PITPNM2: variants seen among roughly 807,000 people sequenced by gnomAD.
The protein encoded by PITPNM2 is phosphatidylinositol transfer protein membrane associated 2.
A neutral mutation model predicts 132.2 loss-of-function variants in PITPNM2; 35 were observed. That is an observed-to-expected ratio of 0.26 (90% CI 0.20 to 0.35). The LOEUF is 0.35. Ranked by LOEUF, PITPNM2 falls within the 10% of genes least tolerant of loss-of-function variation. The pLI is 1.00. For synonymous variants in PITPNM2, 738 were observed against 799.2 expected, an observed-to-expected ratio of 0.92 and a Z score of 1.29; for missense variants, 1,332 against 1,912.0, an observed-to-expected ratio of 0.70 and a Z score of 5.66.
intron 1 of PITPNM2, among the ~76,000 whole-genome samples, chr12:123,127,610 CTTTTTT>C (rs1202654049): frequency 7.2e-6 from 1 of 139,482 alleles, no homozygotes. Flanking sequence ...CTTTTTCTTT[CTTTTTT>C]TTTTTTTTTT....
chr12:123,067,798 G>A (rs1408503082), intron 2 of PITPNM2, among the ~76,000 whole-genome samples: 1 of 152,136 alleles, frequency 6.6e-6, no homozygotes, highest in African/African-American at 2.4e-5. Flanking sequence ...TTGTGGCATT[G>A]GGAAACAGGA....
intron 2 of PITPNM2, among the ~76,000 whole-genome samples, chr12:123,079,791 T>C (rs2136995550): frequency 6.6e-6 from 1 of 152,274 alleles, no homozygotes; most frequent in East Asian, 1.9e-4. Context: ...TAACACAAAA[T>C]TTACCATTTT....
rs548061820 is a variant in PITPNM2, at chr12:123,022,462, A to G, written c.79-8420T>C. 6.6e-5 allele frequency among the ~76,000 whole-genome samples: 10 copies of G among 152,238 alleles called. No individual in the cohort carries two copies. The South Asian group carries it at 2.1e-3, about 32-fold the overall frequency. On this transcript the variant is annotated intron_variant, in intron 3 of 25. Coordinates refer to ENST00000320201, the MANE Select transcript of PITPNM2 (RefSeq NM_020845.3). The surrounding 1 kb of genome is among the most constrained non-coding windows in gnomAD (Gnocchi z 4.9). ...ATCAGGAGCCAATGCAGGCAGGGAGAGAGGGCTTCCTGGAAAAAGAGGCTA... is the reference window on the plus strand; with the variant it reads ...ATCAGGAGCCAATGCAGGCAGGGAGGGAGGGCTTCCTGGAAAAAGAGGCTA...
At chr12:123,151,165 G>A (rs2137773710), upstream of PITPNM2, among the ~76,000 whole-genome samples, 1 of 146,526 alleles carries the variant, frequency 6.8e-6, no homozygotes, top group East Asian at 2.0e-4. Flanking sequence ...GGGGAGCGGC[G>A]GCGGCGGCGG....
Position 123,008,070 on chromosome 12 carries a change from G to T in PITPNM2, c.643+1780C>A, listed in dbSNP as rs1592937868. 6.6e-6 allele frequency among the ~76,000 whole-genome samples: 1 copy of T among 152,242 alleles called. No homozygotes were observed. Among genetic ancestry groups the T allele is most frequent in the African/African-American group, 2.4e-5 (1 of 41,454 alleles). ...GTGTCATTACACCCATTTTACAGAA[G>T]AGAAAAGCAAAGCTCAGTGAGGCTG... is the stretch of plus-strand genomic sequence containing the variant. On this transcript the variant is annotated intron_variant, in intron 6 of 25. Coordinates refer to ENST00000320201, the MANE Select transcript of PITPNM2 (RefSeq NM_020845.3). This position sits in a 1 kb window ranked among gnomAD's most constrained non-coding sequence, Gnocchi z 4.1.
intron 10 of PITPNM2, among the ~76,000 whole-genome samples, chr12:122,999,906 G>A (rs1419308211): frequency 2.0e-5 from 3 of 152,198 alleles, no homozygotes; most frequent in South Asian, 2.1e-4. Context: ...CTGGGGGGGC[G>A]TCAGAGCTGT....
chr12:123,123,628 A>C (rs899666869), intron 1 of PITPNM2, among the ~76,000 whole-genome samples: 1 of 152,222 alleles, frequency 6.6e-6, no homozygotes, highest in South Asian at 2.1e-4. Context: ...AAAACAAAAA[A>C]AAATTAAATT....
Position 122,997,534 on chromosome 12 carries a change from C to A in PITPNM2, c.1263G>T (p.Lys421Asn). Reference sequence around the variant, plus strand: ...GCAGCACCAGTAGCAGCACGTGGATCTTGGAGGGCGGTGCAGCCAGCGGCT... The same window carrying A: ...GCAGCACCAGTAGCAGCACGTGGATATTGGAGGGCGGTGCAGCCAGCGGCT... ...VSQPLAAPPS[K>N]IHVLLLVLHG... is the part of the protein sequence containing the mutation. Residue 421 changes from lysine to asparagine, a missense_variant, in exon 11 of 26, where the codon AAG becomes AAT. Lys to Asn is a moderately conservative substitution (Grantham distance 94). This residue lies in a region of PITPNM2 where 710 missense variants were observed against 911.5 expected (regional missense o/e 0.78). Coordinates refer to ENST00000320201, the MANE Select transcript of PITPNM2 (RefSeq NM_020845.3). The A allele has an allele frequency of 6.2e-7, 1 of 1,613,124 alleles. No individual in the cohort carries two copies. Among genetic ancestry groups the A allele is most frequent in the Non-Finnish European group, 8.5e-7 (1 of 1,179,728 alleles).
intron 3 of PITPNM2, among the ~76,000 whole-genome samples, chr12:123,028,937 AG>A (rs1433062718): frequency 6.6e-6 from 1 of 152,192 alleles, no homozygotes; most frequent in East Asian, 1.9e-4. Flanking sequence ...TCTTGGTGAC[AG>A]GAAGGGCACA....
At chr12:123,010,303 A>C (rs2039131789) in intron 5 of PITPNM2, among the ~76,000 whole-genome samples, 1 of 152,114 alleles carries the variant, frequency 6.6e-6, no homozygotes, top group Non-Finnish European at 1.5e-5. Context: ...GGGTCTTGCT[A>C]TGTTGCCCAG....
Position 123,064,825 on chromosome 12 carries a change from C to A in PITPNM2, c.-95-30140G>T, listed in dbSNP as rs116083389. On this transcript the variant is annotated intron_variant, in intron 2 of 25. Transcript: ENST00000320201. This position sits in a 1 kb window ranked among gnomAD's most constrained non-coding sequence, Gnocchi z 4.0. ...ACACAGGGAGTGACTAGCTCTGGGG[C>A]CAGACCACGTTCACATTCAAGCCTT... Among the ~76,000 whole-genome samples the A allele has an allele frequency of 0.015, 2,237 of 152,306 alleles. 39 individuals carry two copies. The highest frequency in any genetic ancestry group is 0.05 in the African/African-American group (2,058 of 41,556).
At chr12:123,020,870 A>G (rs564034761) in intron 3 of PITPNM2, among the ~76,000 whole-genome samples, 1 of 151,864 alleles carries the variant, frequency 6.6e-6, no homozygotes, top group South Asian at 2.1e-4. Context: ...TAAAAACAAT[A>G]ATAAAAAAAA....
rs933664909 is a variant in PITPNM2 at position 122,994,194 on chromosome 12, A to G, written c.2233+607T>C. ...GGCCAGCTCTGCATTTTTAACCTGC[A>G]CTTGGCAAGCATCTAAACCTCTCTG... is the stretch of plus-strand genomic sequence containing the variant. On this transcript the variant is annotated intron_variant, in intron 15 of 25. Coordinates refer to ENST00000320201, the MANE Select transcript of PITPNM2 (RefSeq NM_020845.3). This position sits in a 1 kb window ranked among gnomAD's most constrained non-coding sequence, Gnocchi z 5.4. 5.9e-5 allele frequency among the ~76,000 whole-genome samples: 9 copies of G among 152,314 alleles called. No homozygotes were observed. In the East Asian group the frequency reaches 1.7e-3, roughly 29 times the overall value.
Position 123,005,835 on chromosome 12 carries a change from T to C in PITPNM2, c.644-287A>G, listed in dbSNP as rs964664360. 2.9e-5 allele frequency: 13 copies of C among 452,350 alleles called. No homozygotes were observed. The highest frequency in any genetic ancestry group is 2.5e-4 in the African/African-American group (13 of 51,002). 28.0% of individuals were successfully genotyped at this position (452,350 alleles called of 1,614,324 possible). On this transcript the variant is annotated intron_variant, in intron 6 of 25. Coordinates refer to ENST00000320201, the MANE Select transcript of PITPNM2 (RefSeq NM_020845.3). The surrounding 1 kb of genome is among the most constrained non-coding windows in gnomAD (Gnocchi z 6.2). ...ACAGTTGGAAGGGCGCAGTGGCTCA[T>C]GCCTGTAATCCCAACACTTTGGGAG...
At position 122,992,661 on chromosome 12, in the gene PITPNM2, G is replaced by C; in HGVS notation, c.2242C>G (p.Leu748Val). 6.4e-7 allele frequency: 1 copy of C among 1,558,772 alleles called. No individual in the cohort carries two copies. The highest frequency in any genetic ancestry group is 8.7e-7 in the Non-Finnish European group (1 of 1,149,146). ...TAGACTTGCTGGCAGGCCGGCCGCA[G>C]CTGGAAAACTGGGGGTGGGGGTGTT... Reference protein sequence around the residue: ...TVIPALDVFQLRPACQQVYNL... With the variant: ...TVIPALDVFQVRPACQQVYNL... Residue 748 changes from leucine (L) to valine (V), a missense_variant, in exon 16 of 26, where the codon CTG (leucine) becomes GTG (valine). Around this residue, in one of 6 missense-constraint regions of PITPNM2, gnomAD observed 710 missense variants for 911.5 expected, o/e 0.78. Transcript: ENST00000320201. This position sits in a 1 kb window ranked among gnomAD's most constrained non-coding sequence, Gnocchi z 6.5.
intron 3 of PITPNM2, among the ~76,000 whole-genome samples, chr12:123,019,960 G>A (rs1270397172): frequency 6.6e-6 from 1 of 152,160 alleles, no homozygotes; most frequent in Non-Finnish European, 1.5e-5. Flanking sequence ...TAGGGAGGCA[G>A]GTGACAGAGC....
At chr12:123,129,562 C>T (rs1416237145) in intron 1 of PITPNM2, among the ~76,000 whole-genome samples, 1 of 151,522 alleles carries the variant, frequency 6.6e-6, no homozygotes, top group South Asian at 2.1e-4. Flanking sequence ...AGAGAGACTC[C>T]GTCTCAAGAA....
At chr12:123,066,466 C>G (rs938042044) in intron 2 of PITPNM2, among the ~76,000 whole-genome samples, 5 of 152,176 alleles carry the variant, frequency 3.3e-5, no homozygotes, top group African/African-American at 9.7e-5. Flanking sequence ...CCACCATCAT[C>G]TCCACTGCCT....
chr12:123,140,974 A>C (rs990687647), intron 1 of PITPNM2, among the ~76,000 whole-genome samples: 3 of 152,046 alleles, frequency 2.0e-5, no homozygotes, highest in Non-Finnish European at 2.9e-5. Flanking sequence ...AAAAAAAAAA[A>C]CCCCATACAA....
Sources: gnomAD v4.1 joint callset for allele counts (sites outside exome capture counted in the v4.1 genomes callset) on GRCh38, gnomAD v4.1.1 for gene constraint, gnomAD v4.1.1 regional missense constraint, Gnocchi (gnomAD v3.1) non-coding constraint, MANE v1.5 for transcripts, NCBI Gene and HGNC (gene_info 2026-07-23, HGNC 2026-07-21) for gene names.